The following LYAR variants were observed in gnomAD, a reference collection of about 807,000 sequenced individuals.
LYAR encodes the protein Ly1 antibody reactive, also known as cell growth-regulating nucleolar protein.
Under a neutral mutation model 45.2 loss-of-function variants are expected in LYAR, and 37 were observed. The observed-to-expected ratio is 0.82, with a 90% CI of 0.63 to 1.08. LYAR has a LOEUF of 1.08. Ranked by LOEUF, LYAR falls within the 50% of genes least tolerant of loss-of-function variation. The pLI is 0.00. For synonymous variants in LYAR, 176 were observed against 155.1 expected (o/e 1.14, Z -1.00); for missense variants, 493 against 451.0 (o/e 1.09, Z -0.84).
At chr4:4,277,876 G>C (rs190000299) in intron 6 of LYAR, among the ~76,000 whole-genome samples, 20 of 152,294 alleles carry the variant, frequency 1.3e-4, no homozygotes, top group Non-Finnish European at 2.6e-4. Flanking sequence ...AAGGCCTCAG[G>C]ACCCTCTGCT....
intron 8 of LYAR, among the ~76,000 whole-genome samples, chr4:4,269,741 T>C (rs77381664): frequency 1.4e-4 from 21 of 152,110 alleles, no homozygotes; most frequent in African/African-American, 5.1e-4. Flanking sequence ...AACAACTAAC[T>C]CAAAATGGAT....
At chr4:4,268,235 G>C (rs1718791587) in intron 9 of LYAR, among the ~76,000 whole-genome samples, 1 of 152,128 alleles carries the variant, frequency 6.6e-6, no homozygotes, top group South Asian at 2.1e-4. Context: ...GTGAAATAAA[G>C]GAGAAGAAAC....
At chr4:4,273,480 C>A (rs1206016652) in intron 8 of LYAR, 103 bp downstream of exon 8, 1 of 761,772 alleles carries the variant, frequency 1.3e-6, no homozygotes, top group Non-Finnish European at 2.2e-6. Context: ...CCTCACACTC[C>A]TGAGCTCAAG....
intron 8 of LYAR, among the ~76,000 whole-genome samples, chr4:4,273,181 G>A (rs898365373): frequency 6.6e-6 from 1 of 152,196 alleles, no homozygotes; most frequent in Non-Finnish European, 1.5e-5. Flanking sequence ...AAATTTCAAA[G>A]ATAACATACA....
rs1311541108 is a variant in LYAR at position 4,274,744 on chromosome 4, T to G, written c.455A>C (p.Gln152Pro). 3.7e-6 allele frequency: 6 copies of G among 1,608,498 alleles called. No homozygotes were observed. The highest frequency in any genetic ancestry group is 5.1e-6 in the Non-Finnish European group (6 of 1,178,714). Reference sequence around the variant, plus strand: ...ATTTGCCACTGGGTGGAGTGGCCGTTGATCCTGTTCCTTATTGACTGGTTC... The same window carrying G: ...ATTTGCCACTGGGTGGAGTGGCCGTGGATCCTGTTCCTTATTGACTGGTTC... ...NSEPVNKEQD[Q>P]RPLHPVANPH... Residue 152 changes from glutamine (Q) to proline (P), a missense_variant, in exon 7 of 10, where the codon CAA becomes CCA. Gln to Pro is a moderately conservative substitution (Grantham distance 76). Coordinates refer to ENST00000343470, the MANE Select transcript of LYAR (RefSeq NM_017816.3).
chr4:4,273,846 A>G (rs1719054254), intron 7 of LYAR, among the ~76,000 whole-genome samples, 177 bp from the exon 8 acceptor site: 1 of 152,142 alleles, frequency 6.6e-6, no homozygotes, highest in African/African-American at 2.4e-5. Flanking sequence ...CATGCTGGAG[A>G]TGGGATGAAA....
At position 4,279,443 on chromosome 4, in the gene LYAR, T is replaced by A. The variant is rs758293954; in HGVS notation, c.429+4A>T. 16 of 1,595,132 alleles carry A rather than the reference T, an allele frequency of 1.0e-5. No individual in the cohort carries two copies. The South Asian group carries it at 1.8e-4, about 18-fold the overall frequency. On this transcript the variant is annotated splice_donor_region_variant and intron_variant, in intron 6 of 9. Coordinates refer to ENST00000343470, the MANE Select transcript of LYAR (RefSeq NM_017816.3). ...ATGCAAATCTAAAATCAGATCTGAC[T>A]TACGCTGTTGGAAGCTTCAGAAAAG...
At chr4:4,271,554 C>T (rs1478074042) in intron 8 of LYAR, among the ~76,000 whole-genome samples, 6 of 152,102 alleles carry the variant, frequency 3.9e-5, no homozygotes, top group East Asian at 1.9e-4. Context: ...CTGGATTGGA[C>T]GGGAGCTCTA....
intron 1 of LYAR, among the ~76,000 whole-genome samples, chr4:4,289,244 T>G (rs948176671): frequency 6.6e-6 from 1 of 152,312 alleles, no homozygotes; most frequent in Middle Eastern, 3.4e-3. Flanking sequence ...TCTCTCTGCC[T>G]CCTACCCCAC....
intron 1 of LYAR, among the ~76,000 whole-genome samples, chr4:4,288,109 A>G (rs1230993269): frequency 6.6e-6 from 1 of 152,232 alleles, no homozygotes; most frequent in East Asian, 1.9e-4. Flanking sequence ...AAGCACCTTA[A>G]CTTCCCAGAA....
At chr4:4,286,347 A>G (rs1190940279) in intron 2 of LYAR, among the ~76,000 whole-genome samples, 172 bp downstream of exon 2, 1 of 152,220 alleles carries the variant, frequency 6.6e-6, no homozygotes, top group African/African-American at 2.4e-5. Flanking sequence ...CAGAAGCTTC[A>G]AAGTCAGCCT....
At chr4:4,268,234 A>G (rs1214393940) in intron 9 of LYAR, among the ~76,000 whole-genome samples, 1 of 152,232 alleles carries the variant, frequency 6.6e-6, no homozygotes, top group Non-Finnish European at 1.5e-5. Context: ...AGTGAAATAA[A>G]GGAGAAGAAA....
At chr4:4,274,320 C>T (rs1289044458) in intron 7 of LYAR, 47 bp downstream of exon 7, 2 of 1,571,490 alleles carry the variant, frequency 1.3e-6, no homozygotes, top group Non-Finnish European at 1.7e-6. Flanking sequence ...AAATTCACAG[C>T]TTTCCCGGTT....
At chr4:4,279,576 G>C in intron 5 of LYAR, 46 bp from the exon 6 acceptor site, 1 of 1,553,786 alleles carries the variant, frequency 6.4e-7, no homozygotes, top group Non-Finnish European at 8.9e-7. Context: ...CACTTGGACA[G>C]GTACACACAA....
intron 7 of LYAR, among the ~76,000 whole-genome samples, chr4:4,273,906 G>A (rs949238048): frequency 6.6e-6 from 1 of 152,174 alleles, no homozygotes; most frequent in Non-Finnish European, 1.5e-5. Flanking sequence ...CCTCTGCCTG[G>A]CCACAAAGCT....
intron 3 of LYAR, 67 bp from the exon 4 acceptor site, chr4:4,281,964 C>T: frequency 1.1e-6 from 1 of 915,150 alleles, no homozygotes; most frequent in Non-Finnish European, 1.8e-6. Context: ...TACCAGCATG[C>T]TGCCACTATC....
chr4:4,274,689 T>G lies in LYAR; in HGVS notation c.510A>C (p.Pro170=). Reference sequence around the variant, plus strand: ...CCACGGCGTCTTTCACTTTGGAGGCTGGAACCTTGGTGGAGATTTCTGCAT... The same window carrying G: ...CCACGGCGTCTTTCACTTTGGAGGCGGGAACCTTGGTGGAGATTTCTGCAT... The part of the protein sequence containing the change: ...NPHAEISTKV[P]ASKVKDAVEQ... The change falls in exon 7 of 10, where the codon CCA becomes CCC. Residue 170 remains proline, a synonymous_variant. Coordinates refer to ENST00000343470, the MANE Select transcript of LYAR (RefSeq NM_017816.3). 1 of 1,614,092 alleles carries G rather than the reference T, an allele frequency of 6.2e-7. No homozygotes were observed. Among genetic ancestry groups the G allele is most frequent in the Middle Eastern group, 1.7e-4 (1 of 6,060 alleles).
At chr4:4,270,201 G>C (rs1001346207) in intron 8 of LYAR, among the ~76,000 whole-genome samples, 1 of 125,602 alleles carries the variant, frequency 8.0e-6, no homozygotes, top group Non-Finnish European at 1.7e-5. Flanking sequence ...ACCCTGTCTC[G>C]AAAAATAAAA....
chr4:4,274,777 T>C lies in LYAR; in HGVS notation c.430-8A>G. ...TTCCTTATTGACTGGTTCCTTATCA[T>C]TAAGCAAAAGCAAGAAACACATATT... On this transcript the variant is annotated splice_polypyrimidine_tract_variant and splice_region_variant and intron_variant, in intron 6 of 9. Coordinates refer to ENST00000343470, the MANE Select transcript of LYAR (RefSeq NM_017816.3). The C allele has an allele frequency of 6.3e-7, 1 of 1,578,220 alleles. No homozygotes were observed. The highest frequency in any genetic ancestry group is 8.6e-7 in the Non-Finnish European group (1 of 1,169,168).
Sources: gnomAD v4.1 joint callset for allele counts (sites outside exome capture counted in the v4.1 genomes callset) on GRCh38, gnomAD v4.1.1 for gene constraint, MANE v1.5 for transcripts, NCBI Gene and HGNC (gene_info 2026-07-23, HGNC 2026-07-21) for gene names.